SUMF1: variants seen among roughly 807,000 people sequenced by gnomAD.
The protein encoded by SUMF1 is formylglycine-generating enzyme.
In SUMF1, 48 loss-of-function variants were observed where a neutral mutation model predicts 47.6. That is an observed-to-expected ratio of 1.01 (90% CI 0.80 to 1.28). SUMF1 has a LOEUF of 1.28. SUMF1 is among the 50% of genes most tolerant of loss of function. SUMF1 has a pLI of 0.00. For missense variants in SUMF1, 571 were observed against 485.4 expected, an observed-to-expected ratio of 1.18 and a Z score of -1.66; for synonymous variants, 230 against 192.1, an observed-to-expected ratio of 1.20 and a Z score of -1.63.
At chr3:4,072,527 A>C (rs557589288) in intron 8 of SUMF1, among the ~76,000 whole-genome samples, 13 of 152,298 alleles carry the variant, frequency 8.5e-5, no homozygotes, top group African/African-American at 2.9e-4. Flanking sequence ...GATAATCACA[A>C]ACTTATCAGA....
intron 7 of SUMF1, among the ~76,000 whole-genome samples, chr3:4,379,181 G>T (rs1392299817): frequency 6.6e-6 from 1 of 152,194 alleles, no homozygotes; most frequent in Non-Finnish European, 1.5e-5. Flanking sequence ...TTACTAGGAG[G>T]GTGTAGTGGG....
chr3:4,081,406 G>A (rs929890586), intron 8 of SUMF1, among the ~76,000 whole-genome samples: 7 of 152,108 alleles, frequency 4.6e-5, no homozygotes, highest in East Asian at 1.9e-4. Context: ...GGCTGGCACC[G>A]TTCCTAGCAT....
At chr3:4,379,312 C>T (rs77734147) in intron 7 of SUMF1, among the ~76,000 whole-genome samples, 4,863 of 152,144 alleles carry the variant, frequency 0.032, 115 homozygotes, top group Non-Finnish European at 0.048. Flanking sequence ...TGGATTAGGG[C>T]GGGCCCTAAA....
chr3:4,059,871 G>T (rs1182063412), intron 9 of SUMF1, among the ~76,000 whole-genome samples: 1 of 151,924 alleles, frequency 6.6e-6, no homozygotes, highest in African/African-American at 2.4e-5. Flanking sequence ...AAGGGGTGAT[G>T]TGCTGGATAA....
chr3:4,277,787 C>T (rs1358832293), intron 8 of SUMF1, among the ~76,000 whole-genome samples: 2 of 151,946 alleles, frequency 1.3e-5, no homozygotes, highest in African/African-American at 2.4e-5. Flanking sequence ...AAATAATAGG[C>T]CAATAACGAG....
downstream of SUMF1, among the ~76,000 whole-genome samples, chr3:4,358,159 C>A (rs1458278616): frequency 6.6e-6 from 1 of 152,044 alleles, no homozygotes; most frequent in African/African-American, 2.4e-5. Context: ...CCAGCCCCTG[C>A]CTTCTTCTAA....
At chr3:4,051,979 G>C (rs886622830) in intron 9 of SUMF1, among the ~76,000 whole-genome samples, 1 of 152,074 alleles carries the variant, frequency 6.6e-6, no homozygotes, top group African/African-American at 2.4e-5. Flanking sequence ...AAATGGTTTT[G>C]GTTCTCTGTC....
intron 8 of SUMF1, among the ~76,000 whole-genome samples, chr3:4,294,816 T>G (rs1697813894): frequency 6.6e-6 from 1 of 152,096 alleles, no homozygotes; most frequent in African/African-American, 2.4e-5. Flanking sequence ...TGGGAGAAGT[T>G]CTAATGATGA....
At chr3:4,320,534 C>A (rs1028369111) in intron 8 of SUMF1, among the ~76,000 whole-genome samples, 4 of 152,042 alleles carry the variant, frequency 2.6e-5, no homozygotes, top group Non-Finnish European at 5.9e-5. Flanking sequence ...GGTTTCATAG[C>A]ATAAAATGAA....
chr3:4,107,594 A>C (rs1693188026), intron 8 of SUMF1, among the ~76,000 whole-genome samples: 1 of 152,078 alleles, frequency 6.6e-6, no homozygotes, highest in East Asian at 1.9e-4. Context: ...CACCTATCTG[A>C]ATTGCCTGAC....
At chr3:4,367,097 C>T (rs1699992498) in intron 8 of SUMF1, among the ~76,000 whole-genome samples, 1 of 152,036 alleles carries the variant, frequency 6.6e-6, no homozygotes. Context: ...CAGAGGAGTA[C>T]CCGGCCGTGT....
chr3:4,151,454 CATGTGTAT>C (rs1434347407), intron 8 of SUMF1, among the ~76,000 whole-genome samples: 1 of 135,294 alleles, frequency 7.4e-6, no homozygotes, highest in Non-Finnish European at 1.6e-5. Context: ...TATATGTATA[CATGTGTAT>C]ATATGTATAT....
At chr3:4,447,136 T>G (rs1180404089) in intron 3 of SUMF1, among the ~76,000 whole-genome samples, 2 of 152,128 alleles carry the variant, frequency 1.3e-5, no homozygotes, top group African/African-American at 4.8e-5. Flanking sequence ...CTCAGTAAGC[T>G]GTACATTTGT....
At chr3:4,438,035 T>C (rs1352431153) in intron 3 of SUMF1, among the ~76,000 whole-genome samples, 1 of 152,052 alleles carries the variant, frequency 6.6e-6, no homozygotes, top group African/African-American at 2.4e-5. Context: ...TACACCTATA[T>C]AGTAGATACC....
intron 1 of SUMF1, among the ~76,000 whole-genome samples, chr3:4,461,256 TCTCA>T (rs2079808379): frequency 6.8e-6 from 1 of 146,438 alleles, no homozygotes; most frequent in South Asian, 2.1e-4. Flanking sequence ...TGTCCATTAT[TCTCA>T]CTATACTCTA....
At chr3:4,391,948 C>T (rs1700880961) in intron 7 of SUMF1, among the ~76,000 whole-genome samples, 2 of 151,968 alleles carry the variant, frequency 1.3e-5, no homozygotes, top group Non-Finnish European at 2.9e-5. Flanking sequence ...GCCACCTCAG[C>T]GTCCCAAGTA....
chr3:4,459,366 AAG>A (rs1448285542), intron 1 of SUMF1, among the ~76,000 whole-genome samples: 1 of 151,970 alleles, frequency 6.6e-6, no homozygotes, highest in Non-Finnish European at 1.5e-5. Flanking sequence ...TCAAATTAGA[AAG>A]GGGAAAAAAA....
At chr3:4,316,069 G>C in intron 8 of SUMF1, 1 of 353,536 alleles carries the variant, frequency 2.8e-6, no homozygotes, top group Non-Finnish European at 5.1e-6. Context: ...AAAAAAAAAA[G>C]TAACAGTTTT....
intron 8 of SUMF1, among the ~76,000 whole-genome samples, chr3:4,199,696 T>C (rs765380586): frequency 6.6e-5 from 10 of 152,162 alleles, no homozygotes; most frequent in Non-Finnish European, 1.0e-4. Context: ...CTCTCCGGTG[T>C]TTCAATTCTC....
Sources: allele counts gnomAD v4.1 joint callset (sites outside exome capture counted in the v4.1 genomes callset), GRCh38; gene constraint gnomAD v4.1.1; transcripts MANE v1.5; gene names NCBI Gene and HGNC (gene_info 2026-07-23, HGNC 2026-07-21).